Variants in GRIK4 observed in about 807,000 individuals in gnomAD.
The protein encoded by GRIK4 is glutamate receptor ionotropic, kainate 4.
Under a neutral mutation model 104.9 loss-of-function variants are expected in GRIK4, and 40 were observed. The ratio of observed to expected loss-of-function variants is 0.38; its 90% CI spans 0.30 to 0.50. GRIK4 has a LOEUF of 0.50. Ranked by LOEUF, GRIK4 falls within the 20% of genes least tolerant of loss-of-function variation. The probability of loss-of-function intolerance (pLI) is 0.93; values close to 1 mark genes in which losing one functional copy is unlikely to be tolerated. For missense variants in GRIK4, 1,047 were observed against 1,308.1 expected (o/e 0.80, Z 3.08); for synonymous variants, 485 against 524.9 (o/e 0.92, Z 1.04).
intron 3 of GRIK4, among the ~76,000 whole-genome samples, chr11:120,713,942 G>A (rs1489046086): frequency 6.6e-6 from 1 of 152,138 alleles, no homozygotes; most frequent in East Asian, 1.9e-4. Flanking sequence ...AATTGGGGCT[G>A]GAATCAGGTC....
intron 3 of GRIK4, among the ~76,000 whole-genome samples, chr11:120,688,183 C>G (rs578156062): frequency 1.3e-4 from 20 of 152,302 alleles, no homozygotes; most frequent in Non-Finnish European, 2.6e-4. Context: ...CACTTTCCCC[C>G]CTCAGTAACT....
intron 3 of GRIK4, among the ~76,000 whole-genome samples, chr11:120,756,965 T>TTCTGA (rs1951665004): frequency 2.0e-5 from 3 of 152,342 alleles, no homozygotes; most frequent in East Asian, 1.9e-4. Context: ...GAGCTGATTT[T>TTCTGA]TCTGATCTTG....
intron 13 of GRIK4, among the ~76,000 whole-genome samples, chr11:120,922,589 G>A (rs954284359): frequency 1.6e-4 from 24 of 152,240 alleles, no homozygotes; most frequent in African/African-American, 4.1e-4. Flanking sequence ...GCTTGGCCTC[G>A]CCAACTCACA....
At chr11:120,876,754 C>A (rs927428180) in intron 11 of GRIK4, among the ~76,000 whole-genome samples, 8 of 152,136 alleles carry the variant, frequency 5.3e-5, no homozygotes, top group Admixed American at 5.2e-4. Context: ...ACCATTACAA[C>A]AAATTATGCA....
Position 120,905,565 on chromosome 11 carries a change from C to A in GRIK4, c.1476+72C>A. ...ATTGGAAGAGCATGAGGTTGTGCTGCACGCTCATGAACCCTCCATTTGTTC... is the reference window on the plus strand; with the variant it reads ...ATTGGAAGAGCATGAGGTTGTGCTGAACGCTCATGAACCCTCCATTTGTTC... On this transcript the variant is annotated intron_variant, in intron 13 of 20. Coordinates refer to ENST00000527524, the MANE Select transcript of GRIK4 (RefSeq NM_014619.5). The surrounding 1 kb of genome is among the most constrained non-coding windows in gnomAD (Gnocchi z 5.1). 2.0e-6 allele frequency: 2 copies of A among 991,520 alleles called. No homozygotes were observed. Among genetic ancestry groups the A allele is most frequent in the Non-Finnish European group, 3.2e-6 (2 of 629,826 alleles). The allele number at this position is 991,520 out of a possible 1,614,324, so 61.4% of individuals were successfully genotyped here.
intron 3 of GRIK4, among the ~76,000 whole-genome samples, chr11:120,679,568 G>T (rs1380121299): frequency 1.3e-5 from 2 of 152,202 alleles, no homozygotes; most frequent in African/African-American, 4.8e-5. Flanking sequence ...TTGTGATGGT[G>T]CAGGGAGCAG....
At position 120,549,576 on chromosome 11, in the gene GRIK4, C is replaced by T. The variant is rs925128411; in HGVS notation, c.-159+37689C>T. 2.0e-5 allele frequency among the ~76,000 whole-genome samples: 3 copies of T among 152,188 alleles called. No homozygotes were observed. Among genetic ancestry groups the T allele is most frequent in the Non-Finnish European group, 4.4e-5 (3 of 68,030 alleles). On this transcript the variant is annotated intron_variant, in intron 1 of 20. Transcript: ENST00000527524. This position sits in a 1 kb window ranked among gnomAD's most constrained non-coding sequence, Gnocchi z 4.7. The stretch of plus-strand genomic sequence containing the variant: ...AGGGCAGAGACAGGATAGGGAGGGG[C>T]ACAGCAGGCACCCCCTCCCGGAGCC...
In GRIK4 at chr11:120,524,908, G is replaced by T. The variant is rs1031398564; in HGVS notation, c.-159+13021G>T. ...GTGTGGGGATGACAGAGGTCCCTGC[G>T]GTCTGCAGGGTGAGCTGAGGTCCTA... On this transcript the variant is annotated intron_variant, in intron 1 of 20. Coordinates refer to ENST00000527524, the MANE Select transcript of GRIK4 (RefSeq NM_014619.5). The surrounding 1 kb of genome is among the most constrained non-coding windows in gnomAD (Gnocchi z 4.5). Among the ~76,000 whole-genome samples, 1 of 152,166 alleles carries T rather than the reference G, an allele frequency of 6.6e-6. No individual in the cohort carries two copies. Among genetic ancestry groups the T allele is most frequent in the Non-Finnish European group, 1.5e-5 (1 of 68,020 alleles).
intron 13 of GRIK4, among the ~76,000 whole-genome samples, chr11:120,936,862 G>T (rs7939524): frequency 0.25 from 36,658 of 146,346 alleles, 4,960 homozygotes; most frequent in East Asian, 0.36. Context: ...GCCCCCACCT[G>T]CCCCCCAGGA....
chr11:120,879,738 A>G (rs1239129187), intron 11 of GRIK4, among the ~76,000 whole-genome samples: 4 of 152,152 alleles, frequency 2.6e-5, no homozygotes, highest in Non-Finnish European at 5.9e-5. Context: ...AGAAGTTGAC[A>G]GTATTGTTTC....
chr11:120,574,200 T>G (rs1182870963), intron 1 of GRIK4, among the ~76,000 whole-genome samples: 21 of 152,108 alleles, frequency 1.4e-4, no homozygotes, highest in Admixed American at 1.4e-3. Flanking sequence ...AATTGAGCAG[T>G]GGTTGTGCTG....
chr11:120,832,779 C>T (rs551030425), intron 7 of GRIK4, among the ~76,000 whole-genome samples: 36 of 152,302 alleles, frequency 2.4e-4, no homozygotes, highest in African/African-American at 7.5e-4. Flanking sequence ...AGAGAGACGT[C>T]GGGAGCCTAG....
intron 1 of GRIK4, among the ~76,000 whole-genome samples, chr11:120,596,290 G>C (rs981045403): frequency 2.0e-5 from 3 of 152,192 alleles, no homozygotes; most frequent in Admixed American, 2.0e-4. Context: ...AGGTTATAAA[G>C]ATGAAAAAGA....
chr11:120,796,890 G>A lies in GRIK4; in HGVS notation c.83-5803G>A, dbSNP rs574811198. Among the ~76,000 whole-genome samples the A allele has an allele frequency of 4.6e-5, 7 of 151,944 alleles. No individual in the cohort carries two copies. In the East Asian group the frequency reaches 7.8e-4, roughly 17 times the overall value. On this transcript the variant is annotated intron_variant, in intron 3 of 20. Coordinates refer to ENST00000527524, the MANE Select transcript of GRIK4 (RefSeq NM_014619.5). ...TGGGGTGAGCTGGAAGGCGCTGCAG[G>A]GGGGAGGAGTCCCCTCTAGCATTGA...
intron 3 of GRIK4, among the ~76,000 whole-genome samples, chr11:120,720,829 C>G (rs1393025023): frequency 6.6e-6 from 1 of 151,996 alleles, no homozygotes; most frequent in East Asian, 1.9e-4. Context: ...AATCATTGCT[C>G]TGTCTCAGTG....
At chr11:120,922,542 G>A (rs1262409451) in intron 13 of GRIK4, among the ~76,000 whole-genome samples, 1 of 152,206 alleles carries the variant, frequency 6.6e-6, no homozygotes, top group African/African-American at 2.4e-5. Context: ...TCCCTCACCA[G>A]AAGGTCTTGT....
intron 1 of GRIK4, among the ~76,000 whole-genome samples, chr11:120,552,538 C>T (rs1036336989): frequency 6.6e-6 from 1 of 152,126 alleles, no homozygotes; most frequent in Admixed American, 6.5e-5. Context: ...GTAGGGAGGG[C>T]ACAGGATGCT....
At chr11:120,577,936 T>C (rs960542185) in intron 1 of GRIK4, among the ~76,000 whole-genome samples, 3 of 152,176 alleles carry the variant, frequency 2.0e-5, no homozygotes, top group African/African-American at 7.2e-5. Context: ...CCAGACTTCC[T>C]TTCCTCCATC....
chr11:120,578,925 G>T (rs983958237), intron 1 of GRIK4, among the ~76,000 whole-genome samples: 6 of 152,204 alleles, frequency 3.9e-5, no homozygotes, highest in African/African-American at 1.4e-4. Context: ...CTGCTAACCA[G>T]CTGTCAGAAG....
Sources: allele counts gnomAD v4.1 joint callset (sites outside exome capture counted in the v4.1 genomes callset), GRCh38; gene constraint gnomAD v4.1.1; non-coding constraint Gnocchi (gnomAD v3.1); transcripts MANE v1.5; gene names NCBI Gene and HGNC (gene_info 2026-07-23, HGNC 2026-07-21).